USH2A: variants seen among roughly 807,000 people sequenced by gnomAD.
The protein encoded by USH2A is usherin, also known as Usher syndrome 2A (autosomal recessive, mild).
In USH2A, 443 loss-of-function variants were observed where a neutral mutation model predicts 538.9. The ratio of observed to expected loss-of-function variants is 0.82; its 90% confidence interval spans 0.76 to 0.89. The LOEUF (loss-of-function observed/expected upper bound fraction) is 0.89, where lower values mean the gene tolerates loss of function less well. Ranked by LOEUF, USH2A falls within the 40% of genes least tolerant of loss-of-function variation. USH2A has a pLI of 0.00. For synonymous variants in USH2A, 2,413 were observed against 2,273.5 expected (o/e 1.06, Z -1.75); for missense variants, 6,633 against 6,324.8 (o/e 1.05, Z -1.65).
chr1:216,110,364 C>A (rs2102584996), intron 21 of USH2A, among the ~76,000 whole-genome samples: 1 of 151,962 alleles, frequency 6.6e-6, no homozygotes, highest in East Asian at 1.9e-4. Context: ...AAACTAACAA[C>A]AAATACTAGT....
chr1:216,323,962 T>A (rs1354324240), intron 7 of USH2A, among the ~76,000 whole-genome samples: 1 of 152,060 alleles, frequency 6.6e-6, no homozygotes, highest in Non-Finnish European at 1.5e-5. Flanking sequence ...GAAACATCAG[T>A]GAGATTGAAA....
chr1:215,638,814 T>C (rs887318687), intron 69 of USH2A, among the ~76,000 whole-genome samples: 3 of 150,670 alleles, frequency 2.0e-5, no homozygotes, highest in African/African-American at 7.3e-5. Flanking sequence ...ATGTCTCTAC[T>C]AAAAATACAA....
chr1:215,791,111 C>T (rs1220183642), intron 50 of USH2A, among the ~76,000 whole-genome samples: 1 of 152,066 alleles, frequency 6.6e-6, no homozygotes, highest in Admixed American at 6.6e-5. Flanking sequence ...TTAGATATTG[C>T]CATCAAAGAG....
chr1:216,039,560 G>A (rs1263396019), intron 32 of USH2A, among the ~76,000 whole-genome samples: 2 of 152,028 alleles, frequency 1.3e-5, no homozygotes, highest in Admixed American at 1.3e-4. Context: ...TTTTATGTAA[G>A]AGGAGTTATT....
At chr1:215,662,264 A>T (rs923176568) in intron 64 of USH2A, among the ~76,000 whole-genome samples, 5 of 152,216 alleles carry the variant, frequency 3.3e-5, no homozygotes, top group African/African-American at 1.2e-4. Flanking sequence ...TATTATCTAC[A>T]TTCAGTTGAA....
Position 215,636,644 on chromosome 1 carries a change from G to A in USH2A, c.15053-1941C>T, listed in dbSNP as rs1656503324. Reference sequence around the variant, plus strand: ...GGGCCCCTTGCTCCACAGCACGCAGGGGAAGGGAGGGCAGCCTGCCCGAGG... The same window carrying A: ...GGGCCCCTTGCTCCACAGCACGCAGAGGAAGGGAGGGCAGCCTGCCCGAGG... On this transcript the variant is annotated intron_variant, in intron 69 of 71. Coordinates refer to ENST00000307340, the MANE Select transcript of USH2A (RefSeq NM_206933.4). Among the ~76,000 whole-genome samples, 3 of 152,148 alleles carry A rather than the reference G, an allele frequency of 2.0e-5. No individual in the cohort carries two copies. In the South Asian group the frequency reaches 6.2e-4, roughly 31 times the overall value.
At chr1:216,004,424 G>A (rs777565826) in intron 32 of USH2A, among the ~76,000 whole-genome samples, 3 of 152,082 alleles carry the variant, frequency 2.0e-5, no homozygotes, top group Non-Finnish European at 4.4e-5. Flanking sequence ...GAAAGTCAAA[G>A]GAAGTAATTT....
chr1:216,396,818 C>T (rs2039220820), intron 3 of USH2A, among the ~76,000 whole-genome samples: 1 of 152,090 alleles, frequency 6.6e-6, no homozygotes, highest in Non-Finnish European at 1.5e-5. Context: ...CTAAAGTTGC[C>T]TCAAAAAGAC....
chr1:215,722,645 T>C (rs1659695097), intron 61 of USH2A, among the ~76,000 whole-genome samples: 1 of 152,304 alleles, frequency 6.6e-6, no homozygotes. Context: ...ATCTAGAAAC[T>C]AGAGTTAGTA....
chr1:215,901,198 G>A (rs2102470527), intron 38 of USH2A: 1 of 431,284 alleles, frequency 2.3e-6, no homozygotes, highest in East Asian at 5.0e-5. Context: ...AAAACATGGA[G>A]GGAATTTAGT....
At chr1:215,982,976 G>A (rs954372196) in intron 35 of USH2A, among the ~76,000 whole-genome samples, 5 of 152,078 alleles carry the variant, frequency 3.3e-5, no homozygotes, top group Admixed American at 2.6e-4. Flanking sequence ...TTGAGATGGA[G>A]TTTTGTTCTT....
chr1:216,015,959 A>C (rs1418396376), intron 32 of USH2A, among the ~76,000 whole-genome samples: 1 of 152,224 alleles, frequency 6.6e-6, no homozygotes, highest in East Asian at 1.9e-4. Flanking sequence ...TCCATCAATG[A>C]AAGACTGGAT....
Position 215,731,548 on chromosome 1 carries a change from C to T in USH2A, c.11712-3164G>A, listed in dbSNP as rs1306603064. 2.6e-5 allele frequency among the ~76,000 whole-genome samples: 4 copies of T among 152,140 alleles called. No homozygotes were observed. In the East Asian group the frequency reaches 7.7e-4, roughly 29 times the overall value. ...TTTGCTCAGGCTCATTTGGGAGATA[C>T]TTCAGGAATGTAATTTTCCAACTAG... On this transcript the variant is annotated intron_variant, in intron 60 of 71. Coordinates refer to ENST00000307340, the MANE Select transcript of USH2A (RefSeq NM_206933.4).
intron 21 of USH2A, among the ~76,000 whole-genome samples, chr1:216,118,829 G>T (rs1298841102): frequency 6.6e-6 from 1 of 152,140 alleles, no homozygotes; most frequent in Non-Finnish European, 1.5e-5. Flanking sequence ...GACCTCAACA[G>T]GTCCCCTGGA....
intron 64 of USH2A, among the ~76,000 whole-genome samples, chr1:215,659,986 T>A (rs1022910059): frequency 5.0e-4 from 76 of 152,188 alleles, no homozygotes; most frequent in African/African-American, 1.7e-3. Context: ...TTACATGCAA[T>A]ATTGTTTCTA....
intron 21 of USH2A, among the ~76,000 whole-genome samples, chr1:216,138,816 G>T (rs1180137571): frequency 6.6e-6 from 1 of 151,942 alleles, no homozygotes; most frequent in Non-Finnish European, 1.5e-5. Context: ...CAATGGCAAA[G>T]AATAAAACAG....
chr1:216,100,001 A>G (rs4971262), intron 21 of USH2A, among the ~76,000 whole-genome samples: 9 of 152,220 alleles, frequency 5.9e-5, no homozygotes, highest in Admixed American at 2.6e-4. Context: ...GGAAATGTCC[A>G]CATTTCAGAA....
chr1:215,938,965 C>T (rs76113699), intron 37 of USH2A, among the ~76,000 whole-genome samples: 1 of 152,148 alleles, frequency 6.6e-6, no homozygotes, highest in African/African-American at 2.4e-5. Context: ...CTTTGACTAG[C>T]TTTGGACTAT....
chr1:215,925,905 A>C (rs1484747488), intron 38 of USH2A, among the ~76,000 whole-genome samples: 2 of 152,168 alleles, frequency 1.3e-5, no homozygotes, highest in Non-Finnish European at 2.9e-5. Flanking sequence ...CATTAGTTTT[A>C]TTTTTAAAAA....
Sources: gnomAD v4.1 joint callset for allele counts (sites outside exome capture counted in the v4.1 genomes callset) on GRCh38, gnomAD v4.1.1 for gene constraint, MANE v1.5 for transcripts, NCBI Gene and HGNC (gene_info 2026-07-23, HGNC 2026-07-21) for gene names.